Variants in AUTS2 observed in about 807,000 individuals in gnomAD.
AUTS2 encodes autism susceptibility gene 2 protein.
Under a neutral mutation model 112.4 loss-of-function variants are expected in AUTS2, and 17 were observed. The observed-to-expected ratio is 0.15, with a 90% CI of 0.10 to 0.23. The LOEUF is 0.23. Ranked by LOEUF, AUTS2 falls within the 10% of genes least tolerant of loss-of-function variation. AUTS2 has a pLI of 1.00. For synonymous variants in AUTS2, 751 were observed against 702.7 expected, an observed-to-expected ratio of 1.07 and a Z score of -1.09; for missense variants, 1,510 against 1,701.6, an observed-to-expected ratio of 0.89 and a Z score of 1.98.
intron 2 of AUTS2, among the ~76,000 whole-genome samples, chr7:70,117,105 T>G (rs1805396340): frequency 2.0e-5 from 2 of 100,668 alleles, no homozygotes; most frequent in Admixed American, 9.6e-5. Flanking sequence ...ATGACTTTTG[T>G]TTTTTTTTTT....
At chr7:69,750,260 T>C (rs1000202803) in intron 1 of AUTS2, among the ~76,000 whole-genome samples, 3 of 151,960 alleles carry the variant, frequency 2.0e-5, no homozygotes, top group Non-Finnish European at 4.4e-5. Context: ...AAGTTTCGAT[T>C]TGAAGGTCTG....
At chr7:70,337,486 A>C (rs1399551962) in intron 4 of AUTS2, among the ~76,000 whole-genome samples, 1 of 152,198 alleles carries the variant, frequency 6.6e-6, no homozygotes. Flanking sequence ...ATATTACTTT[A>C]TGTAGCGTGC....
chr7:69,785,754 G>A (rs1320057188), intron 1 of AUTS2, among the ~76,000 whole-genome samples: 3 of 152,224 alleles, frequency 2.0e-5, no homozygotes, highest in Non-Finnish European at 4.4e-5. Flanking sequence ...CCTACTGTGT[G>A]CTGGGCTCTT....
rs567393047 is a variant in AUTS2 at position 70,531,654 on chromosome 7, C to T, written c.690+95873C>T. Among the ~76,000 whole-genome samples the T allele has an allele frequency of 1.2e-4, 19 of 152,216 alleles. No homozygotes were observed. In the South Asian group the frequency reaches 3.7e-3, roughly 30 times the overall value. On this transcript the variant is annotated intron_variant, in intron 5 of 18. Coordinates refer to ENST00000342771, the MANE Select transcript of AUTS2 (RefSeq NM_015570.4). ...TGAACTGATAGAAGGAGAGCTGACTCATCACCAAGAGGATGGCACCAAGCC... is the reference window on the plus strand; with the variant it reads ...TGAACTGATAGAAGGAGAGCTGACTTATCACCAAGAGGATGGCACCAAGCC...
chr7:70,735,663 G>T (rs975400657), intron 6 of AUTS2, among the ~76,000 whole-genome samples: 4 of 152,148 alleles, frequency 2.6e-5, no homozygotes, highest in Non-Finnish European at 4.4e-5. Context: ...CTACTGTGGT[G>T]CTTTAATGTT....
At chr7:69,809,368 A>G (rs1246003945) in intron 1 of AUTS2, among the ~76,000 whole-genome samples, 2 of 152,006 alleles carry the variant, frequency 1.3e-5, no homozygotes, top group South Asian at 2.1e-4. Context: ...GTGAGCCACC[A>G]CGCCTGGCCG....
At chr7:70,549,084 A>G (rs1000336932) in intron 5 of AUTS2, among the ~76,000 whole-genome samples, 4 of 152,120 alleles carry the variant, frequency 2.6e-5, no homozygotes, top group African/African-American at 9.7e-5. Context: ...ATTTCTCTCA[A>G]CAATGTATTA....
At chr7:70,578,160 A>C (rs1307951097) in intron 5 of AUTS2, among the ~76,000 whole-genome samples, 1 of 152,170 alleles carries the variant, frequency 6.6e-6, no homozygotes, top group Admixed American at 6.5e-5. Context: ...TCCTCAGTAG[A>C]TTCCTAGTAG....
At chr7:69,728,499 T>C (rs1786627050) in intron 1 of AUTS2, among the ~76,000 whole-genome samples, 1 of 152,222 alleles carries the variant, frequency 6.6e-6, no homozygotes, top group Non-Finnish European at 1.5e-5. Context: ...TTTCTGTCTT[T>C]TTAATGTAAT....
intron 5 of AUTS2, among the ~76,000 whole-genome samples, chr7:70,446,064 T>A (rs1796306271): frequency 6.6e-6 from 1 of 152,180 alleles, no homozygotes; most frequent in African/African-American, 2.4e-5. Flanking sequence ...TGGTGGCTCC[T>A]GCACTGCACC....
At chr7:70,527,430 T>G (rs1799886363) in intron 5 of AUTS2, among the ~76,000 whole-genome samples, 1 of 152,184 alleles carries the variant, frequency 6.6e-6, no homozygotes, top group African/African-American at 2.4e-5. Flanking sequence ...CTGCTCAAAC[T>G]ATTTACTCAC....
chr7:70,432,268 T>C (rs1471572040), intron 4 of AUTS2, among the ~76,000 whole-genome samples: 1 of 152,184 alleles, frequency 6.6e-6, no homozygotes, highest in African/African-American at 2.4e-5. Flanking sequence ...CCCAGCCTCA[T>C]GCAGAACATA....
intron 2 of AUTS2, among the ~76,000 whole-genome samples, chr7:69,919,458 C>G (rs766752991): frequency 6.6e-6 from 1 of 152,102 alleles, no homozygotes; most frequent in South Asian, 2.1e-4. Flanking sequence ...TAAGAGGTAT[C>G]GCAGACACTG....
chr7:70,063,758 C>T (rs1054136664), intron 2 of AUTS2, among the ~76,000 whole-genome samples: 1 of 152,142 alleles, frequency 6.6e-6, no homozygotes, highest in African/African-American at 2.4e-5. Context: ...GAAAAGAGCT[C>T]AGGATCCTGC....
chr7:69,942,918 T>G (rs1004784227), intron 2 of AUTS2, among the ~76,000 whole-genome samples: 1 of 152,264 alleles, frequency 6.6e-6, no homozygotes, highest in Non-Finnish European at 1.5e-5. Flanking sequence ...CTGTATTTAC[T>G]GACTAGAAAG....
rs926937056 is a variant in AUTS2, at chr7:69,946,611, C to A, written c.522+47113C>A. Among the ~76,000 whole-genome samples, 11 of 147,926 alleles carry A rather than the reference C, an allele frequency of 7.4e-5. 1 individual carries two copies. The East Asian group carries it at 2.2e-3, about 29-fold the overall frequency. On this transcript the variant is annotated intron_variant, in intron 2 of 18. Transcript: ENST00000342771. ...ACACACACACACACACACACACGCA[C>A]GCACACAGAGACACCCTCTGTTATA... is the stretch of plus-strand genomic sequence containing the variant.
intron 5 of AUTS2, among the ~76,000 whole-genome samples, chr7:70,486,891 T>A (rs993119029): frequency 8.8e-6 from 1 of 113,500 alleles, no homozygotes; most frequent in Non-Finnish European, 1.8e-5. Flanking sequence ...TTTGTTGTTT[T>A]TGTATTCCCC....
At chr7:69,623,879 G>T (rs1583960483) in intron 1 of AUTS2, among the ~76,000 whole-genome samples, 1 of 152,060 alleles carries the variant, frequency 6.6e-6, no homozygotes, top group South Asian at 2.1e-4. Flanking sequence ...CACAAAAAAT[G>T]ATTTTTATTA....
intron 3 of AUTS2, among the ~76,000 whole-genome samples, chr7:70,131,720 G>T (rs1806280670): frequency 6.6e-6 from 1 of 151,954 alleles, no homozygotes; most frequent in Non-Finnish European, 1.5e-5. Context: ...ATAGACTTTA[G>T]ATTATAAATA....
Sources: allele counts gnomAD v4.1 joint callset (sites outside exome capture counted in the v4.1 genomes callset), GRCh38; gene constraint gnomAD v4.1.1; transcripts MANE v1.5; gene names NCBI Gene and HGNC (gene_info 2026-07-23, HGNC 2026-07-21).